HPSE: variants seen among roughly 807,000 people sequenced by gnomAD.
HPSE encodes the protein endo-glucoronidase.
HPSE carries 48 observed loss-of-function variants against 65.1 expected under a neutral mutation model. The ratio of observed to expected loss-of-function variants is 0.74; its 90% CI spans 0.58 to 0.94. HPSE has a LOEUF of 0.94. Among genes scored for constraint, HPSE ranks in the 40% least tolerant of loss-of-function variants. HPSE has a pLI of 0.00. For synonymous variants in HPSE, 243 were observed against 260.0 expected (o/e 0.93, Z 0.63); for missense variants, 644 against 637.5 (o/e 1.01, Z -0.11).
chr4:83,334,480 A>G (rs1398085719), intron 1 of HPSE, 76 bp downstream of exon 1: 3 of 1,449,888 alleles, frequency 2.1e-6, no homozygotes, highest in Non-Finnish European at 9.2e-7. Flanking sequence ...GCGCAAAAGA[A>G]GGAGAGCGGC....
chr4:83,334,296 A>G (rs1309173341), intron 1 of HPSE, among the ~76,000 whole-genome samples: 1 of 152,156 alleles, frequency 6.6e-6, no homozygotes, highest in African/African-American at 2.4e-5. Flanking sequence ...TGCCACCACA[A>G]TGCAATATAC....
chr4:83,319,419 A>G lies in HPSE; in HGVS notation c.424T>C (p.Leu142=). ...AATTGCTCCTGGTAGGGCCATTCCA[A>G]CCGTAACTTCTCCTCCACATCAGGA... ...IPPDVEEKLR[L]EWPYQEQLLL... The change falls in exon 3 of 12, where the codon TTG becomes CTG. Residue 142 remains leucine, a synonymous_variant. Coordinates refer to ENST00000311412, the MANE Select transcript of HPSE (RefSeq NM_001098540.3). 6.2e-7 allele frequency: 1 copy of G among 1,613,920 alleles called. No homozygotes were observed.
intron 1 of HPSE, among the ~76,000 whole-genome samples, chr4:83,323,216 C>T (rs143823305): frequency 5.7e-4 from 87 of 152,156 alleles, no homozygotes; most frequent in African/African-American, 2.0e-3. Context: ...TTGCAGGGCA[C>T]TGAAAATACT....
intron 1 of HPSE, among the ~76,000 whole-genome samples, chr4:83,324,806 T>A (rs1737076468): frequency 6.6e-6 from 1 of 152,146 alleles, no homozygotes; most frequent in Admixed American, 6.5e-5. Context: ...GGTACAGAGT[T>A]TCAGTTTGGG....
chr4:83,334,532 C>A, intron 1 of HPSE, 24 bp downstream of exon 1: 1 of 1,555,062 alleles, frequency 6.4e-7, no homozygotes, highest in Non-Finnish European at 8.7e-7. Context: ...GGAAAGGGGA[C>A]AGGACCAGGA....
chr4:83,311,148 G>GA (rs35740150), intron 4 of HPSE, among the ~76,000 whole-genome samples: 19 of 148,102 alleles, frequency 1.3e-4, no homozygotes, highest in South Asian at 2.2e-4. Flanking sequence ...GTTCCATGGG[G>GA]AAAAAAAAAA....
chr4:83,307,532 G>A (rs1736187963), intron 8 of HPSE, among the ~76,000 whole-genome samples: 1 of 152,124 alleles, frequency 6.6e-6, no homozygotes, highest in African/African-American at 2.4e-5. Flanking sequence ...CACCTCTATA[G>A]ACAATTCCTG....
intron 2 of HPSE, among the ~76,000 whole-genome samples, chr4:83,319,991 G>A (rs1736818380): frequency 7.1e-6 from 1 of 141,016 alleles, no homozygotes; most frequent in Non-Finnish European, 1.5e-5. Flanking sequence ...CTGCACTCCA[G>A]CCTGGGTGAC....
intron 1 of HPSE, 122 bp from the exon 2 acceptor site, chr4:83,322,486 G>C (rs2126194976): frequency 1.3e-6 from 1 of 776,208 alleles, no homozygotes; most frequent in African/African-American, 1.8e-5. Context: ...GGACTTAGAG[G>C]AGGAAATCAC....
In HPSE at chr4:83,306,313, G is replaced by C. The variant is rs751590875; in HGVS notation, c.1096C>G (p.Leu366Val). 1.3e-6 allele frequency: 2 copies of C among 1,596,544 alleles called. No homozygotes were observed. The highest frequency in any genetic ancestry group is 2.2e-5 in the South Asian group (2 of 90,734). Residue 366 changes from leucine to valine, a missense_variant, in exon 9 of 12, where the codon CTG becomes GTG. Leu to Val is a conservative substitution (Grantham distance 32, BLOSUM62 1). Coordinates refer to ENST00000311412, the MANE Select transcript of HPSE (RefSeq NM_001098540.3). ...CGGGCTGACAGGCCCAATTTATCCAGCCACCTGGGACAGAGCAAGACCAAG... is the reference window on the plus strand; with the variant it reads ...CGGGCTGACAGGCCCAATTTATCCACCCACCTGGGACAGAGCAAGACCAAG... ...SDTFAAGFMW[L>V]DKLGLSARMG... is the part of the protein sequence containing the mutation.
intron 1 of HPSE, among the ~76,000 whole-genome samples, chr4:83,330,094 G>C (rs1737307288): frequency 6.6e-6 from 1 of 152,212 alleles, no homozygotes; most frequent in African/African-American, 2.4e-5. Context: ...TGAACAAAAG[G>C]AGGTAATTTG....
rs1560504774 is a variant in HPSE, at chr4:83,302,275, G to A, written c.1207-7C>T. 1.3e-6 allele frequency: 2 copies of A among 1,580,728 alleles called. No homozygotes were observed. Among genetic ancestry groups the A allele is most frequent in the South Asian group, 2.2e-5 (2 of 90,028 alleles). ...GAAGAGATAGCCAATAATCCTAGTTGTGGTGGTTGGGGAGAAAGAGACAAA... is the reference window on the plus strand; with the variant it reads ...GAAGAGATAGCCAATAATCCTAGTTATGGTGGTTGGGGAGAAAGAGACAAA... On this transcript the variant is annotated splice_polypyrimidine_tract_variant and splice_region_variant and intron_variant, in intron 9 of 11. Transcript: ENST00000311412.
rs752759643 is a variant in HPSE at position 83,313,217 on chromosome 4, C to T, written c.570G>A (p.Ala190=). 41 of 1,613,690 alleles carry T rather than the reference C, an allele frequency of 2.5e-5. No homozygotes were observed. The South Asian group carries it at 2.6e-4, about 10-fold the overall frequency. The change falls in exon 4 of 12, where the codon GCG becomes GCA. Residue 190 remains alanine, a synonymous_variant. Coordinates refer to ENST00000311412, the MANE Select transcript of HPSE (RefSeq NM_001098540.3). ...SGLDLIFGLN[A]LLRTADLQWN... ...ACTGCAAATCTGCTGTTCTTAATAA[C>T]GCATTTAGGCCAAAGATCAAGTCCA...
intron 11 of HPSE, among the ~76,000 whole-genome samples, chr4:83,295,737 ATACT>A (rs1368562833): frequency 2.6e-5 from 4 of 152,244 alleles, no homozygotes; most frequent in Non-Finnish European, 5.9e-5. Flanking sequence ...AAAGCCAGAA[ATACT>A]TACTGTCTGG....
chr4:83,298,941 A>G (rs564993575), intron 11 of HPSE, among the ~76,000 whole-genome samples: 4 of 152,218 alleles, frequency 2.6e-5, no homozygotes, highest in Non-Finnish European at 5.9e-5. Flanking sequence ...TATCTAGGAT[A>G]CTATTTTGCA....
intron 9 of HPSE, 145 bp from the exon 10 acceptor site, chr4:83,302,413 T>TA: frequency 1.7e-6 from 1 of 595,064 alleles, no homozygotes; most frequent in Non-Finnish European, 3.0e-6. Flanking sequence ...CATCTTTTTT[T>TA]TTTTTTTCCC....
intron 1 of HPSE, among the ~76,000 whole-genome samples, chr4:83,333,251 A>G (rs1333054767): frequency 6.6e-6 from 1 of 152,224 alleles, no homozygotes; most frequent in African/African-American, 2.4e-5. Flanking sequence ...CTCTTACCAT[A>G]TCATCAAATC....
intron 3 of HPSE, among the ~76,000 whole-genome samples, 178 bp from the exon 4 acceptor site, chr4:83,313,465 C>G (rs988669824): frequency 6.6e-6 from 1 of 152,100 alleles, no homozygotes; most frequent in African/African-American, 2.4e-5. Flanking sequence ...AAAAATCAAT[C>G]TGACTTCATT....
At chr4:83,311,038 A>G (rs1180572782) in intron 4 of HPSE, 148 bp from the exon 5 acceptor site, 5 of 663,404 alleles carry the variant, frequency 7.5e-6, no homozygotes, top group Non-Finnish European at 1.0e-5. Context: ...GTCTGGCGCT[A>G]TGGCTCATGC....
Sources: gnomAD v4.1 joint callset for allele counts (sites outside exome capture counted in the v4.1 genomes callset) on GRCh38, gnomAD v4.1.1 for gene constraint, MANE v1.5 for transcripts, NCBI Gene and HGNC (gene_info 2026-07-23, HGNC 2026-07-21) for gene names.